ELAPOR2: variants seen among roughly 807,000 people sequenced by gnomAD.
The protein encoded by ELAPOR2 is endosome/lysosome-associated apoptosis and autophagy regulator family member 2.
In ELAPOR2, 89 loss-of-function variants were observed where a neutral mutation model predicts 120.7. The ratio of observed to expected loss-of-function variants is 0.74; its 90% CI spans 0.62 to 0.88. ELAPOR2 has a LOEUF of 0.88. Among genes scored for constraint, ELAPOR2 ranks in the 40% least tolerant of loss-of-function variants. The probability of loss-of-function intolerance (pLI) is 0.00; values close to 1 mark genes in which losing one functional copy is unlikely to be tolerated. For synonymous variants in ELAPOR2, 444 were observed against 444.9 expected, an observed-to-expected ratio of 1.00 and a Z score of 0.03; for missense variants, 1,134 against 1,251.6, an observed-to-expected ratio of 0.91 and a Z score of 1.42.
At chr7:86,931,737 T>C (rs550434584) in intron 8 of ELAPOR2, among the ~76,000 whole-genome samples, 1 of 152,004 alleles carries the variant, frequency 6.6e-6, no homozygotes, top group Admixed American at 6.6e-5. Flanking sequence ...GTAATGGAAA[T>C]GATTAAGTAT....
At chr7:87,011,873 T>C (rs1426519236) in intron 1 of ELAPOR2, among the ~76,000 whole-genome samples, 1 of 152,220 alleles carries the variant, frequency 6.6e-6, no homozygotes, top group Non-Finnish European at 1.5e-5. Flanking sequence ...TACTTCTGAA[T>C]AGAAATATAA....
At chr7:86,923,904 C>T (rs191857109) in intron 10 of ELAPOR2, among the ~76,000 whole-genome samples, 69 of 152,196 alleles carry the variant, frequency 4.5e-4, no homozygotes, top group Admixed American at 3.7e-3. Context: ...CTTCTACATA[C>T]CTGTTCTGTA....
At chr7:86,970,568 A>T (rs192161275) in intron 1 of ELAPOR2, among the ~76,000 whole-genome samples, 151 of 152,324 alleles carry the variant, frequency 9.9e-4, no homozygotes, top group African/African-American at 3.4e-3. Flanking sequence ...CAATTATTTC[A>T]ATTCCAGTTG....
intron 18 of ELAPOR2, among the ~76,000 whole-genome samples, chr7:86,902,860 C>A (rs1788787195): frequency 1.3e-5 from 2 of 152,134 alleles, no homozygotes; most frequent in South Asian, 4.1e-4. Flanking sequence ...AACCCCTCAC[C>A]CTTCAAAGTG....
chr7:87,012,860 T>TG (rs111934287), intron 1 of ELAPOR2, among the ~76,000 whole-genome samples: 4 of 152,296 alleles, frequency 2.6e-5, no homozygotes, highest in African/African-American at 9.6e-5. Flanking sequence ...CTGCCACTGC[T>TG]GTGTGACCAG....
chr7:86,907,644 C>A, intron 18 of ELAPOR2, 26 bp downstream of exon 18: 2 of 1,413,318 alleles, frequency 1.4e-6, no homozygotes, highest in African/African-American at 3.0e-5. Context: ...TCATGGTAAA[C>A]ACAAATCATA....
chr7:86,923,550 A>G (rs1789922170), intron 10 of ELAPOR2, among the ~76,000 whole-genome samples: 1 of 152,022 alleles, frequency 6.6e-6, no homozygotes, highest in Non-Finnish European at 1.5e-5. Flanking sequence ...CACTCTTATA[A>G]ATAACTCTAA....
In ELAPOR2 at chr7:87,059,383, G is replaced by A; in HGVS notation, c.131C>T (p.Ala44Val). Residue 44 changes from alanine to valine, a missense_variant, in exon 1 of 22, where the codon GCG becomes GTG. By Grantham distance (64) the Ala-to-Val change is moderately conservative. Around this residue, in one of 3 missense-constraint regions of ELAPOR2, gnomAD observed 280 missense variants for 331.5 expected, o/e 0.84. Transcript: ENST00000450689. ...GGAGGGCAGGTCCCCAGCCCAGGCC[G>A]CCTGGCAGCCGGCGAGCGCCCAGCA... Reference protein sequence around the residue: ...ICCWALAGCQAAWAGDLPSSS... With the variant: ...ICCWALAGCQVAWAGDLPSSS... 1 of 1,244,614 alleles carries A rather than the reference G, an allele frequency of 8.0e-7. No individual in the cohort carries two copies. Among genetic ancestry groups the A allele is most frequent in the East Asian group, 3.2e-5 (1 of 31,654 alleles). The allele number at this position is 1,244,614 out of a possible 1,614,324, so 77.1% of individuals were successfully genotyped here. A position where few individuals can be genotyped will look rare whatever the true frequency, so the allele number is the denominator to read the frequency against.
intron 10 of ELAPOR2, among the ~76,000 whole-genome samples, chr7:86,923,242 T>G (rs1182147803): frequency 2.0e-5 from 3 of 151,844 alleles, no homozygotes. Flanking sequence ...TACAGTAGGG[T>G]GTAGTTAGTA....
At chr7:87,014,527 G>T (rs116804417) in intron 1 of ELAPOR2, among the ~76,000 whole-genome samples, 1,591 of 152,192 alleles carry the variant, frequency 0.01, 29 homozygotes, top group African/African-American at 0.037. Flanking sequence ...AGAATTTCAA[G>T]AACACCTATG....
chr7:86,933,072 G>A (rs951634966), intron 8 of ELAPOR2, among the ~76,000 whole-genome samples: 1 of 151,518 alleles, frequency 6.6e-6, no homozygotes, highest in African/African-American at 2.4e-5. Flanking sequence ...GTTACAGTAT[G>A]TATAAATGAC....
At chr7:86,910,614 G>C (rs2116066307) in intron 15 of ELAPOR2, among the ~76,000 whole-genome samples, 1 of 152,114 alleles carries the variant, frequency 6.6e-6, no homozygotes, top group East Asian at 1.9e-4. Context: ...AGAGAGATTA[G>C]CTTTTTTAAT....
chr7:86,933,747 A>T (rs940153046), intron 8 of ELAPOR2, among the ~76,000 whole-genome samples: 24 of 151,988 alleles, frequency 1.6e-4, no homozygotes, highest in Non-Finnish European at 2.8e-4. Context: ...AGAGAAATTG[A>T]TTTTTGAGCC....
intron 7 of ELAPOR2, among the ~76,000 whole-genome samples, chr7:86,938,426 T>C (rs1414154175): frequency 1.3e-5 from 2 of 152,086 alleles, no homozygotes; most frequent in African/African-American, 4.8e-5. Context: ...TGGAGTAGTA[T>C]ATCACAGTTT....
intron 2 of ELAPOR2, among the ~76,000 whole-genome samples, chr7:86,959,710 T>G (rs1791629583): frequency 6.6e-6 from 1 of 152,236 alleles, no homozygotes; most frequent in Admixed American, 6.5e-5. Context: ...AATGTGCTAT[T>G]AAATTCAGTT....
intron 1 of ELAPOR2, among the ~76,000 whole-genome samples, chr7:86,975,045 G>A (rs559159441): frequency 6.6e-6 from 1 of 152,184 alleles, no homozygotes; most frequent in Non-Finnish European, 1.5e-5. Flanking sequence ...CTGCTACAGA[G>A]TGGATAAAGA....
At chr7:87,017,165 T>G (rs1793895555) in intron 1 of ELAPOR2, among the ~76,000 whole-genome samples, 1 of 152,236 alleles carries the variant, frequency 6.6e-6, no homozygotes, top group Non-Finnish European at 1.5e-5. Flanking sequence ...CCTGGCAATC[T>G]CATTTCTCTC....
chr7:86,905,203 AGAAAGAG>A (rs1788950256), intron 18 of ELAPOR2, among the ~76,000 whole-genome samples: 2 of 151,380 alleles, frequency 1.3e-5, no homozygotes, highest in African/African-American at 4.9e-5. Context: ...AGAGAGAGAG[AGAAAGAG>A]AGAGAGGAAG....
chr7:86,940,877 C>T (rs1790770412), intron 5 of ELAPOR2, among the ~76,000 whole-genome samples: 1 of 151,988 alleles, frequency 6.6e-6, no homozygotes, highest in Admixed American at 6.6e-5. Context: ...AAAAGTAGTG[C>T]ATTAAGCACT....
Sources: gnomAD v4.1 joint callset for allele counts (sites outside exome capture counted in the v4.1 genomes callset) on GRCh38, gnomAD v4.1.1 for gene constraint, gnomAD v4.1.1 regional missense constraint, MANE v1.5 for transcripts, NCBI Gene and HGNC (gene_info 2026-07-23, HGNC 2026-07-21) for gene names.